Variants in ELF2 observed in about 807,000 individuals in gnomAD.
ELF2 encodes the protein E74 like ETS transcription factor 2, also known as ETS-related transcription factor Elf-2.
Under a neutral mutation model 54.8 loss-of-function variants are expected in ELF2, and 11 were observed. The ratio of observed to expected loss-of-function variants is 0.20; its 90% CI spans 0.13 to 0.33. The LOEUF is 0.33. Among genes scored for constraint, ELF2 ranks in the 10% least tolerant of loss-of-function variants. The probability of loss-of-function intolerance (pLI) is 1.00; values close to 1 mark genes in which losing one functional copy is unlikely to be tolerated. For synonymous variants in ELF2, 203 were observed against 245.1 expected (o/e 0.83, Z 1.61); for missense variants, 513 against 703.0 (o/e 0.73, Z 3.06).
At chr4:139,136,370 T>G (rs114713823) in intron 3 of ELF2, among the ~76,000 whole-genome samples, 1 of 151,952 alleles carries the variant, frequency 6.6e-6, no homozygotes, top group Admixed American at 6.6e-5. Context: ...CCCAGTGAAT[T>G]TGCCCATAGC....
intron 1 of ELF2, among the ~76,000 whole-genome samples, chr4:139,167,597 TGA>T (rs1741852671): frequency 6.6e-6 from 1 of 152,224 alleles, no homozygotes; most frequent in African/African-American, 2.4e-5. Context: ...ACACTGTATT[TGA>T]GTTTTTATTA....
At chr4:139,142,357 C>T (rs1471286727) in intron 1 of ELF2, among the ~76,000 whole-genome samples, 1 of 151,982 alleles carries the variant, frequency 6.6e-6, no homozygotes, top group African/African-American at 2.4e-5. Flanking sequence ...GTTAAAGGAC[C>T]GGCAAGGGGA....
intron 1 of ELF2, among the ~76,000 whole-genome samples, chr4:139,169,836 G>A (rs974337069): frequency 1.5e-4 from 21 of 143,170 alleles, no homozygotes; most frequent in African/African-American, 5.2e-4. Flanking sequence ...CAGCCTGCGC[G>A]ACAGAGCGAG....
chr4:139,095,573 T>G (rs555229937), intron 4 of ELF2, among the ~76,000 whole-genome samples: 16 of 152,266 alleles, frequency 1.1e-4, no homozygotes, highest in African/African-American at 3.6e-4. Flanking sequence ...TTTAACAAAT[T>G]TTTTTTAAAT....
chr4:139,083,998 C>T, intron 4 of ELF2: 4 of 1,444,682 alleles, frequency 2.8e-6, no homozygotes, highest in Non-Finnish European at 2.8e-6. Flanking sequence ...TCCCCCCTTT[C>T]CCCCAGCCGC....
chr4:139,096,363 CTTTA>C (rs1733293072), intron 4 of ELF2, among the ~76,000 whole-genome samples: 1 of 151,818 alleles, frequency 6.6e-6, no homozygotes, highest in Non-Finnish European at 1.5e-5. Context: ...TTATAATGGA[CTTTA>C]TTTAAATGTG....
intron 1 of ELF2, among the ~76,000 whole-genome samples, chr4:139,164,207 C>A: frequency 2.9e-5 from 3 of 103,876 alleles, no homozygotes; most frequent in African/African-American, 3.9e-5. Flanking sequence ...AAAGAGAAAG[C>A]GGGGAGGAGG....
In ELF2 at chr4:139,059,082, T is replaced by C; in HGVS notation, c.1683A>G (p.Gly561=). 1 of 1,613,984 alleles carries C rather than the reference T, an allele frequency of 6.2e-7. No homozygotes were observed. Among genetic ancestry groups the C allele is most frequent in the South Asian group, 1.1e-5 (1 of 91,074 alleles). ...LQLVEEKPAD[G]NKTVTHVVVV... ...CCACTACGTGGGTCACTGTCTTATTTCCATCTGCTGGTTTTTCTTCTACTA... is the reference window on the plus strand; with the variant it reads ...CCACTACGTGGGTCACTGTCTTATTCCCATCTGCTGGTTTTTCTTCTACTA... Residue 561 remains glycine, a synonymous_variant, in exon 10 of 10, where the codon GGA becomes GGG. Transcript: ENST00000686138.
chr4:139,085,966 C>T (rs972825256), intron 4 of ELF2, among the ~76,000 whole-genome samples: 3 of 152,028 alleles, frequency 2.0e-5, no homozygotes, highest in Admixed American at 6.6e-5. Flanking sequence ...AACTGAGGCC[C>T]CAAGAAGTTA....
intron 7 of ELF2, among the ~76,000 whole-genome samples, chr4:139,064,104 T>C (rs1266825244): frequency 6.6e-6 from 1 of 151,838 alleles, no homozygotes; most frequent in African/African-American, 2.4e-5. Flanking sequence ...AGGTCAGGAG[T>C]TCATGACCAG....
At chr4:139,080,649 A>G (rs943394683) in intron 4 of ELF2, among the ~76,000 whole-genome samples, 1 of 152,180 alleles carries the variant, frequency 6.6e-6, no homozygotes, top group African/African-American at 2.4e-5. Flanking sequence ...CAAGAAAGGT[A>G]TACTTGAGAA....
At chr4:139,162,173 T>G (rs1284774305) in intron 1 of ELF2, among the ~76,000 whole-genome samples, 1 of 152,040 alleles carries the variant, frequency 6.6e-6, no homozygotes, top group Non-Finnish European at 1.5e-5. Flanking sequence ...CACTCCAGCC[T>G]GGGCAATAAG....
intron 4 of ELF2, among the ~76,000 whole-genome samples, chr4:139,075,126 C>T (rs1214972359): frequency 2.0e-5 from 3 of 152,194 alleles, no homozygotes; most frequent in Admixed American, 6.5e-5. Context: ...AATTCTACCA[C>T]GCTTTGTATC....
intron 1 of ELF2, among the ~76,000 whole-genome samples, chr4:139,160,474 A>G (rs1284473685): frequency 1.3e-5 from 2 of 152,202 alleles, no homozygotes; most frequent in African/African-American, 4.8e-5. Flanking sequence ...CCTAAAGATC[A>G]GTCGATGGTA....
At chr4:139,076,121 A>T (rs145688166) in intron 4 of ELF2, among the ~76,000 whole-genome samples, 1 of 152,330 alleles carries the variant, frequency 6.6e-6, no homozygotes, top group Non-Finnish European at 1.5e-5. Context: ...TCATTTGGAA[A>T]GCATTTATTT....
intron 4 of ELF2, among the ~76,000 whole-genome samples, chr4:139,121,291 G>T (rs1454530609): frequency 6.6e-6 from 1 of 150,548 alleles, no homozygotes; most frequent in African/African-American, 2.4e-5. Context: ...TGTATTTTTA[G>T]TAGAGACGGG....
At chr4:139,060,771 A>G (rs1727719721) in intron 8 of ELF2, 97 bp from the exon 9 acceptor site, 1 of 961,754 alleles carries the variant, frequency 1.0e-6, no homozygotes, top group East Asian at 2.4e-5. Context: ...TACTAACAGA[A>G]ACATTCCCTT....
chr4:139,082,858 G>A (rs752421082), intron 4 of ELF2, among the ~76,000 whole-genome samples: 10 of 152,314 alleles, frequency 6.6e-5, no homozygotes, highest in Non-Finnish European at 1.2e-4. Context: ...TCGATCCAGG[G>A]CCCTCACTGC....
At chr4:139,129,051 G>A (rs768440367) in intron 3 of ELF2, among the ~76,000 whole-genome samples, 34 of 151,544 alleles carry the variant, frequency 2.2e-4, no homozygotes, top group Non-Finnish European at 3.7e-4. Context: ...TGATTCTCCT[G>A]CCTCAGCCCC....
Sources: allele counts gnomAD v4.1 joint callset (sites outside exome capture counted in the v4.1 genomes callset), GRCh38; gene constraint gnomAD v4.1.1; transcripts MANE v1.5; gene names NCBI Gene and HGNC (gene_info 2026-07-23, HGNC 2026-07-21).